The following ZNF273 variants were observed in gnomAD, a reference collection of about 807,000 sequenced individuals.
ZNF273 encodes the protein zinc finger protein 9.
Under a neutral mutation model 14.9 loss-of-function variants are expected in ZNF273, and 11 were observed. That is an observed-to-expected ratio of 0.74 (90% CI 0.46 to 1.22). The LOEUF is 1.22. Among genes scored for constraint, ZNF273 ranks in the 50% most tolerant of loss-of-function variants. The pLI, the probability that ZNF273 is intolerant of heterozygous loss-of-function variation, is 0.00. For missense variants in ZNF273, 577 were observed against 660.6 expected, an observed-to-expected ratio of 0.87 and a Z score of 1.39; for synonymous variants, 199 against 223.9, an observed-to-expected ratio of 0.89 and a Z score of 0.99.
Position 64,928,964 on chromosome 7 carries a change from A to G in ZNF273, c.1636A>G (p.Arg546Gly), listed in dbSNP as rs752721862. The G allele has an allele frequency of 1.1e-5, 17 of 1,604,760 alleles. No individual in the cohort carries two copies. In the African/African-American group the frequency reaches 1.5e-4, roughly 14 times the overall value. Residue 546 changes from arginine (R) to glycine (G), a missense_variant, in exon 4 of 4, where the codon AGA becomes GGA. By Grantham distance (125) the Arg-to-Gly change is moderately radical. Coordinates refer to ENST00000476120, the MANE Select transcript of ZNF273 (RefSeq NM_021148.3). ...HTGEKPYKPKRCDSAFDNTPN... is the reference protein window; with the variant it reads ...HTGEKPYKPKGCDSAFDNTPN... The stretch of plus-strand genomic sequence containing the variant: ...TGGAGAGAAACCATACAAACCTAAA[A>G]GATGTGACAGTGCTTTTGACAACAC...
chr7:64,919,985 A>G (rs939243361), intron 3 of ZNF273, among the ~76,000 whole-genome samples: 1 of 152,074 alleles, frequency 6.6e-6, no homozygotes, highest in South Asian at 2.1e-4. Flanking sequence ...ACAATGGCAC[A>G]ATATAGTTTT....
In ZNF273 at chr7:64,928,455, G is replaced by A. The variant is rs1379500548; in HGVS notation, c.1127G>A (p.Cys376Tyr). Residue 376 changes from cysteine to tyrosine, a missense_variant, in exon 4 of 4, where the codon TGT (cysteine) becomes TAT (tyrosine). Coordinates refer to ENST00000476120, the MANE Select transcript of ZNF273 (RefSeq NM_021148.3). ...RIHTGEKPYK[C>Y]EECGKAFNQS... ...CATACTGGAGAGAAACCCTACAAAT[G>A]TGAAGAATGTGGCAAAGCTTTTAAC... The A allele has an allele frequency of 1.2e-6, 2 of 1,612,324 alleles. No individual in the cohort carries two copies. Among genetic ancestry groups the A allele is most frequent in the Non-Finnish European group, 1.7e-6 (2 of 1,179,604 alleles).
In ZNF273 at chr7:64,923,290, T is replaced by C. The variant is rs1028992121; in HGVS notation, c.326-4364T>C. ...AGAATATCTTCCGCTTTTTGAAAAC[T>C]GAGTGACAGTCCAGTTTTATTGTTG... On this transcript the variant is annotated intron_variant, in intron 3 of 3. Transcript: ENST00000476120. The C allele has an allele frequency of 6.6e-6, 3 of 451,362 alleles. No homozygotes were observed. The Admixed American group carries it at 7.2e-5, about 11-fold the overall frequency. 28.0% of individuals were successfully genotyped at this position (451,362 alleles called of 1,614,324 possible).
At chr7:64,922,904 T>C (rs1168798309) in intron 3 of ZNF273, among the ~76,000 whole-genome samples, 1 of 151,910 alleles carries the variant, frequency 6.6e-6, no homozygotes, top group Non-Finnish European at 1.5e-5. Context: ...ATGTGGAGGC[T>C]GCAGTGAGCC....
chr7:64,888,239 A>G (rs1485128040), intron 1 of ZNF273: 1 of 942,420 alleles, frequency 1.1e-6, no homozygotes, highest in African/African-American at 1.8e-5. Context: ...CCCTCCAGCC[A>G]GAGGAGGGCG....
chr7:64,935,118 G>C (rs912885952), downstream of ZNF273, among the ~76,000 whole-genome samples: 3 of 152,120 alleles, frequency 2.0e-5, no homozygotes, highest in Non-Finnish European at 4.4e-5. Flanking sequence ...CTACTGACTC[G>C]TGTGTTGATT....
intron 1 of ZNF273, among the ~76,000 whole-genome samples, chr7:64,887,940 T>C (rs1791697868): frequency 6.6e-6 from 1 of 152,124 alleles, no homozygotes; most frequent in Non-Finnish European, 1.5e-5. Flanking sequence ...ACTTGCATCC[T>C]GATGGGGGAA....
chr7:64,887,323 C>T (rs1324798063), intron 1 of ZNF273, among the ~76,000 whole-genome samples: 1 of 150,266 alleles, frequency 6.7e-6, no homozygotes, highest in Non-Finnish European at 1.5e-5. Context: ...TTGCCCTTTG[C>T]ATGTTCTCAT....
At chr7:64,931,080 A>G (rs986961936), downstream of ZNF273, 1 of 152,330 alleles carries the variant, frequency 6.6e-6, no homozygotes, top group African/African-American at 2.4e-5. Flanking sequence ...AGTTAAATAT[A>G]CATATATTTT....
rs1242935635 is a variant in ZNF273, at chr7:64,918,283, A to G, written c.316A>G (p.Lys106Glu). Residue 106 changes from lysine (K) to glutamate (E), a missense_variant, in exon 3 of 4, where the codon AAA becomes GAA. Physicochemically the swap from Lys to Glu is moderately conservative, Grantham distance 56 (BLOSUM62 1). Around this residue, in one of 3 missense-constraint regions of ZNF273, gnomAD observed 162 missense variants for 203.5 expected, o/e 0.80. Coordinates refer to ENST00000476120, the MANE Select transcript of ZNF273 (RefSeq NM_021148.3). ...TATGAAGAGACATGCGATGGTAGCC[A>G]AACCCCCAGGTAGGTGAGAGTGATA... ...CNMKRHAMVA[K>E]PPVVCSHFAQ... The G allele has an allele frequency of 6.4e-7, 1 of 1,561,518 alleles. No homozygotes were observed. Among genetic ancestry groups the G allele is most frequent in the Non-Finnish European group, 8.7e-7 (1 of 1,149,364 alleles).
chr7:64,917,251 T>C, intron 1 of ZNF273: 3 of 534,304 alleles, frequency 5.6e-6, no homozygotes, highest in Non-Finnish European at 8.5e-6. Context: ...CAGCATTTCT[T>C]TTCTATCTGA....
At position 64,929,610 on chromosome 7, in the gene ZNF273, G is replaced by A. The variant is rs1481074908; in HGVS notation, c.*572G>A. ...AAGTTAGGTTTATATAAATATCAGA[G>A]AATTCACAATACAGATATCTAAGAT... On this transcript the variant is annotated 3_prime_UTR_variant, in exon 4 of 4. Coordinates refer to ENST00000476120, the MANE Select transcript of ZNF273 (RefSeq NM_021148.3). The A allele has an allele frequency of 6.6e-6, 1 of 152,144 alleles. No homozygotes were observed. Among genetic ancestry groups the A allele is most frequent in the Non-Finnish European group, 1.5e-5 (1 of 68,060 alleles). The allele number at this position is 152,144 out of a possible 1,614,324, so 9.4% of individuals were successfully genotyped here.
rs557105022 is a variant in ZNF273 at position 64,928,620 on chromosome 7, A to G, written c.1292A>G (p.Lys431Arg). The G allele has an allele frequency of 5.1e-5, 83 of 1,613,370 alleles. 2 individuals carry two copies. The South Asian group carries it at 8.8e-4, about 17-fold the overall frequency. The change falls in exon 4 of 4, where the codon AAA (lysine) becomes AGA (arginine). Residue 431 changes from lysine (K) to arginine (R), a missense_variant. Lys to Arg is a conservative substitution (Grantham distance 26, BLOSUM62 2). Around this residue, in one of 3 missense-constraint regions of ZNF273, gnomAD observed 411 missense variants for 440.4 expected, o/e 0.93. Coordinates refer to ENST00000476120, the MANE Select transcript of ZNF273 (RefSeq NM_021148.3). ...KRIYTKEKPY[K>R]CEECGKAFSV... ...ATTTATACTAAAGAGAAACCATACA[A>G]ATGTGAAGAATGTGGAAAAGCCTTT... is the stretch of plus-strand genomic sequence containing the variant.
At chr7:64,892,723 G>A (rs754024839), downstream of ZNF273, among the ~76,000 whole-genome samples, 1 of 152,130 alleles carries the variant, frequency 6.6e-6, no homozygotes, top group Non-Finnish European at 1.5e-5. Context: ...TGAGGGGGGC[G>A]GTGTTTGATT....
chr7:64,887,490 G>A (rs1464787110), intron 1 of ZNF273, among the ~76,000 whole-genome samples: 2 of 152,154 alleles, frequency 1.3e-5, no homozygotes, highest in African/African-American at 4.8e-5. Flanking sequence ...ATTGTGCAGT[G>A]TTTTTGTTGT....
In ZNF273 at chr7:64,924,891, C is replaced by T. The variant is rs139812767; in HGVS notation, c.326-2763C>T. 6.5e-3 allele frequency among the ~76,000 whole-genome samples: 995 copies of T among 152,068 alleles called. 9 individuals carry two copies. The highest frequency in any genetic ancestry group is 0.023 in the African/African-American group (941 of 41,470). Reference sequence around the variant, plus strand: ...CATCTCAGCTCACTGCAACTTCCGCCTCCCAGGTTCAAGCGCTTCTCCTGT... The same window carrying T: ...CATCTCAGCTCACTGCAACTTCCGCTTCCCAGGTTCAAGCGCTTCTCCTGT... On this transcript the variant is annotated intron_variant, in intron 3 of 3. Coordinates refer to ENST00000476120, the MANE Select transcript of ZNF273 (RefSeq NM_021148.3).
At chr7:64,932,574 G>A (rs1276972925), downstream of ZNF273, among the ~76,000 whole-genome samples, 1 of 152,110 alleles carries the variant, frequency 6.6e-6, no homozygotes, top group African/African-American at 2.4e-5. Context: ...AGAGTGCTGG[G>A]ATTACAGGCG....
In ZNF273 at chr7:64,912,826, G is replaced by GTTTTTT. The variant is rs71061324; in HGVS notation, c.103-4740_103-4735dup. On this transcript the variant is annotated intron_variant, in intron 1 of 3. Coordinates refer to ENST00000476120, the MANE Select transcript of ZNF273 (RefSeq NM_021148.3). Reference sequence around the variant, plus strand: ...TCTTTTTGACTCAGGATTCATTTTAGTTTTTTTTTTTTTTTTTTTTGAGAT... The same window carrying GTTTTTT: ...TCTTTTTGACTCAGGATTCATTTTAGTTTTTTTTTTTTTTTTTTTTTTTTTTGAGAT... 1.3e-3 allele frequency among the ~76,000 whole-genome samples: 49 copies of GTTTTTT among 36,566 alleles called. 1 individual carries two copies. Among genetic ancestry groups the GTTTTTT allele is most frequent in the African/African-American group, 3.8e-3 (47 of 12,212 alleles). The allele number at this position is 36,566 out of a possible 152,430, so 24.0% of individuals were successfully genotyped here.
chr7:64,914,708 G>A (rs1340510507), intron 1 of ZNF273, among the ~76,000 whole-genome samples: 1 of 152,092 alleles, frequency 6.6e-6, no homozygotes, highest in African/African-American at 2.4e-5. Flanking sequence ...GTAGCTCATT[G>A]TTCCTGAATC....
Sources: gnomAD v4.1 joint callset for allele counts (sites outside exome capture counted in the v4.1 genomes callset) on GRCh38, gnomAD v4.1.1 for gene constraint, gnomAD v4.1.1 regional missense constraint, MANE v1.5 for transcripts, NCBI Gene and HGNC (gene_info 2026-07-23, HGNC 2026-07-21) for gene names.